MB21D2: variants seen among roughly 807,000 people sequenced by gnomAD.
MB21D2 encodes the protein nucleotidyltransferase MB21D2.
MB21D2 carries 9 observed loss-of-function variants against 33.3 expected under a neutral mutation model. The ratio of observed to expected loss-of-function variants is 0.27; its 90% CI spans 0.16 to 0.47. MB21D2 has a LOEUF of 0.47. Ranked by LOEUF, MB21D2 falls within the 20% of genes least tolerant of loss-of-function variation. The pLI is 0.99. For synonymous variants in MB21D2, 241 were observed against 236.3 expected (o/e 1.02, Z -0.18); for missense variants, 540 against 624.6 (o/e 0.86, Z 1.44).
chr3:192,816,212 A>ATT (rs112404939), intron 1 of MB21D2, among the ~76,000 whole-genome samples: 3 of 120,474 alleles, frequency 2.5e-5, no homozygotes, highest in Non-Finnish European at 3.5e-5. Flanking sequence ...CGAGAGGACA[A>ATT]TTTTTTTTTT....
intron 1 of MB21D2, among the ~76,000 whole-genome samples, chr3:192,879,715 G>A (rs1220873162): frequency 1.3e-5 from 2 of 152,224 alleles, no homozygotes; most frequent in East Asian, 1.9e-4. Context: ...AACTGTTCTA[G>A]AGAAATTTCT....
intron 1 of MB21D2, among the ~76,000 whole-genome samples, chr3:192,833,650 G>A (rs554378174): frequency 3.0e-4 from 46 of 152,172 alleles, no homozygotes; most frequent in Non-Finnish European, 6.0e-4. Flanking sequence ...GCAAGGAGAC[G>A]TGGGGCAAGG....
intron 1 of MB21D2, among the ~76,000 whole-genome samples, chr3:192,895,968 A>G (rs927112460): frequency 1.3e-5 from 2 of 152,278 alleles, no homozygotes; most frequent in South Asian, 2.1e-4. Flanking sequence ...ACTTTATGCT[A>G]CTTCTCTTTT....
At chr3:192,870,175 C>CAGGAA (rs1553859904) in intron 1 of MB21D2, among the ~76,000 whole-genome samples, 1 of 151,696 alleles carries the variant, frequency 6.6e-6, no homozygotes, top group Non-Finnish European at 1.5e-5. Context: ...TCCTAATCCA[C>CAGGAA]AGGGAGGACT....
chr3:192,886,960 A>T (rs1560250950), intron 1 of MB21D2, among the ~76,000 whole-genome samples: 1 of 151,812 alleles, frequency 6.6e-6, no homozygotes, highest in South Asian at 2.1e-4. Flanking sequence ...GTCTTCATTT[A>T]AAATCCTGTC....
chr3:192,819,140 G>C (rs555875606), intron 1 of MB21D2, among the ~76,000 whole-genome samples: 5 of 152,306 alleles, frequency 3.3e-5, no homozygotes, highest in Non-Finnish European at 7.3e-5. Flanking sequence ...TGAAGAGGGA[G>C]AGGCCATCCG....
intron 1 of MB21D2, among the ~76,000 whole-genome samples, chr3:192,911,364 G>T (rs1412201342): frequency 6.6e-6 from 1 of 152,054 alleles, no homozygotes; most frequent in Non-Finnish European, 1.5e-5. Flanking sequence ...TCTGTCCCAG[G>T]TGGAAGAACT....
At chr3:192,820,502 C>T (rs996676032) in intron 1 of MB21D2, among the ~76,000 whole-genome samples, 2 of 152,232 alleles carry the variant, frequency 1.3e-5, no homozygotes, top group Non-Finnish European at 2.9e-5. Flanking sequence ...ACTGGATTTA[C>T]AGCCAGTCTC....
At position 192,797,261 on chromosome 3, in the gene MB21D2, A is replaced by T. The variant is rs12481; in HGVS notation, c.*1125T>A. 6.6e-6 allele frequency: 1 copy of T among 152,426 alleles called. No homozygotes were observed. The highest frequency in any genetic ancestry group is 1.5e-5 in the Non-Finnish European group (1 of 67,974). The allele number at this position is 152,426 out of a possible 1,614,324, so 9.4% of individuals were successfully genotyped here. A position where few individuals can be genotyped will look rare whatever the true frequency, so the allele number is the denominator to read the frequency against. On this transcript the variant is annotated 3_prime_UTR_variant, in exon 2 of 2. Transcript: ENST00000392452. ...ACGTGGTATCTTCTATTTGGGGATT[A>T]TAAGTTCTTCCTGCCAGTTTTTCTC...
At chr3:192,863,909 G>A (rs1385191790) in intron 1 of MB21D2, among the ~76,000 whole-genome samples, 2 of 152,252 alleles carry the variant, frequency 1.3e-5, no homozygotes, top group East Asian at 3.9e-4. Context: ...CCAGAACTGT[G>A]AGAAATTAAT....
intron 1 of MB21D2, among the ~76,000 whole-genome samples, chr3:192,824,736 G>A (rs984439200): frequency 1.3e-5 from 2 of 152,186 alleles, no homozygotes; most frequent in East Asian, 1.9e-4. Flanking sequence ...TTTTTATAAC[G>A]TCACCTGTTT....
chr3:192,804,359 C>CAAAT (rs10642568), intron 1 of MB21D2, among the ~76,000 whole-genome samples: 152,039 of 152,106 alleles, frequency 1, 75,986 homozygotes, highest in Middle Eastern at 1. Flanking sequence ...TGTGAAAACT[C>CAAAT]AGAGAGTTCA....
intron 1 of MB21D2, among the ~76,000 whole-genome samples, chr3:192,904,343 GA>G (rs1714162793): frequency 6.6e-6 from 1 of 152,152 alleles, no homozygotes; most frequent in Non-Finnish European, 1.5e-5. Context: ...GAACTTTCCT[GA>G]AAGTATTCAG....
chr3:192,872,342 C>T (rs563447840), intron 1 of MB21D2, among the ~76,000 whole-genome samples: 32 of 152,098 alleles, frequency 2.1e-4, no homozygotes, highest in African/African-American at 7.5e-4. Flanking sequence ...TTTGGGAGGC[C>T]GAGGCGGGCA....
chr3:192,887,344 A>C (rs1713754625), intron 1 of MB21D2, among the ~76,000 whole-genome samples: 1 of 152,130 alleles, frequency 6.6e-6, no homozygotes, highest in South Asian at 2.1e-4. Flanking sequence ...TATGTTCAAA[A>C]GGAAAAAAGA....
At chr3:192,827,132 G>A (rs917849252) in intron 1 of MB21D2, among the ~76,000 whole-genome samples, 30 of 152,098 alleles carry the variant, frequency 2.0e-4, no homozygotes, top group Non-Finnish European at 2.9e-5. Flanking sequence ...TCCTGACCTC[G>A]TGATCCACCC....
chr3:192,816,212 AT>A (rs112404939), intron 1 of MB21D2, among the ~76,000 whole-genome samples: 6 of 120,552 alleles, frequency 5.0e-5, no homozygotes, highest in African/African-American at 6.7e-5. Flanking sequence ...CGAGAGGACA[AT>A]TTTTTTTTTT....
Position 192,828,591 on chromosome 3 carries a change from CATATA to C in MB21D2, c.212-28946_212-28942del, listed in dbSNP as rs1712230357. 6.5e-4 allele frequency among the ~76,000 whole-genome samples: 35 copies of C among 54,138 alleles called. 9 individuals are homozygous for C. Among genetic ancestry groups the C allele is most frequent in the East Asian group, 4.5e-3 (6 of 1,340 alleles). 35.5% of individuals were successfully genotyped at this position (54,138 alleles called of 152,430 possible). ...TATATACAATAAAACTCACCCCCCC[CATATA>C]TATATATATATATATATATATATAT... On this transcript the variant is annotated intron_variant, in intron 1 of 1. Coordinates refer to ENST00000392452, the MANE Select transcript of MB21D2 (RefSeq NM_178496.4).
At chr3:192,853,798 A>G (rs1258729824) in intron 1 of MB21D2, among the ~76,000 whole-genome samples, 3 of 151,998 alleles carry the variant, frequency 2.0e-5, no homozygotes, top group African/African-American at 4.8e-5. Context: ...CACTTTTCCA[A>G]CTGCAGGGTT....
Sources: gnomAD v4.1 joint callset for allele counts (sites outside exome capture counted in the v4.1 genomes callset) on GRCh38, gnomAD v4.1.1 for gene constraint, MANE v1.5 for transcripts, NCBI Gene and HGNC (gene_info 2026-07-23, HGNC 2026-07-21) for gene names.